The following ANKIB1 variants were observed in gnomAD, a reference collection of about 807,000 sequenced individuals.
ANKIB1 encodes the protein ankyrin repeat and IBR domain-containing protein 1.
In ANKIB1, 43 loss-of-function variants were observed where a neutral mutation model predicts 122.1. That is an observed-to-expected ratio of 0.35 (90% CI 0.28 to 0.45). The LOEUF is 0.45. ANKIB1 is among the 20% of genes least tolerant of loss of function. The probability of loss-of-function intolerance (pLI) is 1.00; values close to 1 mark genes in which losing one functional copy is unlikely to be tolerated. For missense variants in ANKIB1, 992 were observed against 1,329.5 expected (o/e 0.75, Z 3.95); for synonymous variants, 390 against 442.0 (o/e 0.88, Z 1.48).
chr7:92,388,051 A>C lies in ANKIB1; in HGVS notation c.1906+10A>C. The C allele has an allele frequency of 6.4e-7, 1 of 1,555,428 alleles. No homozygotes were observed. Among genetic ancestry groups the C allele is most frequent in the South Asian group, 1.2e-5 (1 of 84,458 alleles). On this transcript the variant is annotated intron_variant, in intron 14 of 19. Coordinates refer to ENST00000265742, the MANE Select transcript of ANKIB1 (RefSeq NM_019004.2). ...AGAGCTCTCAAAGAAAGTAAGTTAT[A>C]AGTTGTATGTGTGATAATTAATATA...
At chr7:92,292,377 T>C (rs533433261) in intron 1 of ANKIB1, among the ~76,000 whole-genome samples, 30 of 152,366 alleles carry the variant, frequency 2.0e-4, no homozygotes, top group African/African-American at 6.7e-4. Flanking sequence ...ATTATAGATT[T>C]TTTTTAAAAA....
intron 1 of ANKIB1, among the ~76,000 whole-genome samples, chr7:92,274,194 T>C (rs1801853343): frequency 6.6e-6 from 1 of 152,194 alleles, no homozygotes; most frequent in Non-Finnish European, 1.5e-5. Context: ...ACAAACAATT[T>C]TTAAAGTTTG....
intron 1 of ANKIB1, among the ~76,000 whole-genome samples, chr7:92,285,004 C>T (rs1017265149): frequency 1.3e-5 from 2 of 152,096 alleles, no homozygotes; most frequent in African/African-American, 2.4e-5. Context: ...TAGAACAACC[C>T]GTGAATGTTT....
intron 1 of ANKIB1, among the ~76,000 whole-genome samples, chr7:92,256,427 A>T (rs1801447573): frequency 6.6e-6 from 1 of 152,240 alleles, no homozygotes; most frequent in Non-Finnish European, 1.5e-5. Context: ...AATACATTAA[A>T]ATCTATTCCA....
chr7:92,371,950 G>GGTGTGTGTGTGTGTGT (rs55936298), intron 11 of ANKIB1, among the ~76,000 whole-genome samples: 7 of 118,064 alleles, frequency 5.9e-5, no homozygotes, highest in African/African-American at 3.2e-5. Flanking sequence ...TTGAGAGAGG[G>GGTGTGTGTGTGTGTGT]GTGTGTGTGT....
intron 18 of ANKIB1, among the ~76,000 whole-genome samples, chr7:92,397,464 C>A (rs1362020000): frequency 2.0e-5 from 3 of 147,946 alleles, no homozygotes; most frequent in South Asian, 2.2e-4. Flanking sequence ...CCAGCTAGGT[C>A]GACAAAGCAA....
chr7:92,312,525 T>G (rs1043394736), intron 3 of ANKIB1, among the ~76,000 whole-genome samples: 1 of 152,190 alleles, frequency 6.6e-6, no homozygotes, highest in African/African-American at 2.4e-5. Flanking sequence ...AGAATGGCAG[T>G]GTTCTAATAA....
rs536388469 is a variant in ANKIB1 at position 92,295,106 on chromosome 7, C to T, written c.128C>T (p.Pro43Leu). ...GATCCAAATACATCTTATGGGGAGC[C>T]CTACCAGCACAATACTCCATTACAT... ...SLDPNTSYGE[P>L]YQHNTPLHYA... The change falls in exon 2 of 20, where the codon CCC becomes CTC. Residue 43 changes from proline to leucine, a missense_variant. Pro to Leu is a moderately conservative substitution (Grantham distance 98). Transcript: ENST00000265742. 122 of 1,578,146 alleles carry T rather than the reference C, an allele frequency of 7.7e-5. 1 individual carries two copies. The highest frequency in any genetic ancestry group is 5.0e-4 in the Middle Eastern group (3 of 6,018).
At chr7:92,383,106 T>A (rs1392777486) in intron 11 of ANKIB1, among the ~76,000 whole-genome samples, 1 of 152,112 alleles carries the variant, frequency 6.6e-6, no homozygotes, top group African/African-American at 2.4e-5. Flanking sequence ...GAGAATAACA[T>A]AAACACCTCT....
intron 11 of ANKIB1, among the ~76,000 whole-genome samples, chr7:92,383,897 C>G (rs1408481941): frequency 6.6e-6 from 1 of 152,134 alleles, no homozygotes; most frequent in East Asian, 1.9e-4. Flanking sequence ...CCAGGGCAAT[C>G]AGGCAAGAGA....
At position 92,307,365 on chromosome 7, in the gene ANKIB1, T is replaced by A. The variant is rs1802582807; in HGVS notation, c.195T>A (p.Phe65Leu). ...RHGMNKILGT[F>L]LGRDGNPNKR... ...CCCTTTCTTTCCATTTTAGGACTTT[T>A]CTTGGTAGAGATGGAAATCCAAATA... The change falls in exon 3 of 20, where the codon TTT becomes TTA. Residue 65 changes from phenylalanine to leucine, a missense_variant. Physicochemically the swap from Phe to Leu is conservative, Grantham distance 22. Transcript: ENST00000265742. 6.2e-7 allele frequency: 1 copy of A among 1,609,018 alleles called. No homozygotes were observed. Among genetic ancestry groups the A allele is most frequent in the Non-Finnish European group, 8.5e-7 (1 of 1,176,524 alleles).
At chr7:92,263,778 T>C (rs1028928275) in intron 1 of ANKIB1, among the ~76,000 whole-genome samples, 1 of 152,232 alleles carries the variant, frequency 6.6e-6, no homozygotes, top group Non-Finnish European at 1.5e-5. Context: ...CTTACTCTTA[T>C]GTTCAGTGTT....
intron 9 of ANKIB1, among the ~76,000 whole-genome samples, chr7:92,353,015 C>T (rs759511707): frequency 3.9e-5 from 6 of 152,106 alleles, no homozygotes; most frequent in Admixed American, 1.3e-4. Context: ...AACTATAATA[C>T]CAAATTGCTG....
chr7:92,252,181 C>T (rs971006064), intron 1 of ANKIB1, among the ~76,000 whole-genome samples: 1 of 151,974 alleles, frequency 6.6e-6, no homozygotes, highest in East Asian at 1.9e-4. Context: ...TATATTTGTG[C>T]CCTTTGTGAT....
intron 1 of ANKIB1, among the ~76,000 whole-genome samples, chr7:92,274,934 A>G (rs987275220): frequency 2.0e-5 from 3 of 152,190 alleles, no homozygotes; most frequent in Non-Finnish European, 4.4e-5. Flanking sequence ...CTCAAAAAAA[A>G]TATTTTTCAG....
chr7:92,339,256 A>G (rs71560813), intron 5 of ANKIB1, among the ~76,000 whole-genome samples: 2 of 151,446 alleles, frequency 1.3e-5, no homozygotes, highest in African/African-American at 4.8e-5. Flanking sequence ...GTTAGCCAGG[A>G]TGGTCTTGAT....
intron 1 of ANKIB1, among the ~76,000 whole-genome samples, chr7:92,258,974 G>A (rs1251574100): frequency 2.6e-5 from 4 of 151,698 alleles, no homozygotes; most frequent in African/African-American, 9.7e-5. Flanking sequence ...TTTTTTTTGA[G>A]ACAGAGTCTC....
rs546237432 is a variant in ANKIB1, at chr7:92,274,671, G to A, written c.-90-20218G>A. On this transcript the variant is annotated intron_variant, in intron 1 of 19. Transcript: ENST00000265742. ...ACTCCTTATAAGATTTTTTGGCCAA[G>A]TGTGGTGGCACATGCCTGTAATCCC... 2.4e-3 allele frequency among the ~76,000 whole-genome samples: 362 copies of A among 152,270 alleles called. 2 individuals are homozygous for A. The highest frequency in any genetic ancestry group is 8.2e-3 in the African/African-American group (340 of 41,574).
intron 1 of ANKIB1, among the ~76,000 whole-genome samples, chr7:92,276,596 C>T (rs1275583950): frequency 6.6e-6 from 1 of 152,210 alleles, no homozygotes; most frequent in Non-Finnish European, 1.5e-5. Context: ...CAGCTAAGCC[C>T]TTTAGAGGTC....
Sources: allele counts gnomAD v4.1 joint callset (sites outside exome capture counted in the v4.1 genomes callset), GRCh38; gene constraint gnomAD v4.1.1; transcripts MANE v1.5; gene names NCBI Gene and HGNC (gene_info 2026-07-23, HGNC 2026-07-21).